Variants in PVT1 observed in about 807,000 individuals in gnomAD.
The protein encoded by PVT1 is CXCR4/PVT1 fusion.
At chr8:127,915,025 A>T (rs1479556990) in intron 3 of PVT1, among the ~76,000 whole-genome samples, 1 of 151,982 alleles carries the variant, frequency 6.6e-6, no homozygotes, top group East Asian at 1.9e-4. Context: ...GGGTTTCACC[A>T]TGTTGGCCAG....
At chr8:127,957,371 A>G (rs1586454946) in intron 3 of PVT1, among the ~76,000 whole-genome samples, 1 of 152,256 alleles carries the variant, frequency 6.6e-6, no homozygotes, top group Non-Finnish European at 1.5e-5. Context: ...GATCAAGACC[A>G]TCCTGGCCAA....
intron 5 of PVT1, among the ~76,000 whole-genome samples, chr8:128,080,471 C>T (rs1357187002): frequency 6.6e-6 from 1 of 152,152 alleles, no homozygotes; most frequent in Non-Finnish European, 1.5e-5. Context: ...TTTGCACTTC[C>T]CTGATGACAT....
chr8:127,906,840 A>G (rs1476112660), intron 3 of PVT1, among the ~76,000 whole-genome samples: 1 of 152,116 alleles, frequency 6.6e-6, no homozygotes, highest in Admixed American at 6.6e-5. Context: ...CAACCCAAAG[A>G]TGTAAATGTC....
chr8:128,004,827 G>T (rs1346581694), intron 4 of PVT1, among the ~76,000 whole-genome samples: 1 of 152,174 alleles, frequency 6.6e-6, no homozygotes, highest in East Asian at 1.9e-4. Flanking sequence ...TCCACATAAA[G>T]TGACATGAAA....
At chr8:128,021,290 C>CTTTTTTTTTGTTTTTTTTTTT (rs1817431400) in intron 4 of PVT1, among the ~76,000 whole-genome samples, 1 of 81,140 alleles carries the variant, frequency 1.2e-5, no homozygotes, top group Non-Finnish European at 2.2e-5. Context: ...AGGACTTGTG[C>CTTTTTTTTTGTTTTTTTTTTT]TTTTTTTTTT....
At position 127,988,042 on chromosome 8, in the gene PVT1, A is replaced by G. The variant is rs375191151; in HGVS notation, n.783-1120A>G. The stretch of plus-strand genomic sequence containing the variant: ...TCTGAGGCTTGCAGAACCACTGCAG[A>G]TCTGTCCGTGATACCAACACATCTA... On this transcript the variant is annotated intron_variant and non_coding_transcript_variant, in intron 3 of 10. Coordinates refer to ENST00000651587, the Ensembl canonical transcript of PVT1. Among the ~76,000 whole-genome samples the G allele has an allele frequency of 1.8e-4, 28 of 152,312 alleles. No individual in the cohort carries two copies. In the East Asian group the frequency reaches 5.0e-3, roughly 27 times the overall value.
intron 2 of PVT1, among the ~76,000 whole-genome samples, chr8:127,805,548 A>G (rs1439209316): frequency 6.6e-6 from 1 of 152,170 alleles, no homozygotes; most frequent in Non-Finnish European, 1.5e-5. Context: ...ATGTATGTAC[A>G]GTGTTATATG....
chr8:127,990,566 G>C (rs994393247), intron 4 of PVT1, among the ~76,000 whole-genome samples: 1 of 152,218 alleles, frequency 6.6e-6, no homozygotes, highest in South Asian at 2.1e-4. Flanking sequence ...TCATGAATTT[G>C]AAAGCTATGC....
intron 2 of PVT1, among the ~76,000 whole-genome samples, chr8:127,841,329 A>T (rs1814971248): frequency 6.6e-6 from 1 of 152,132 alleles, no homozygotes; most frequent in South Asian, 2.1e-4. Context: ...GCTGGAGTGC[A>T]GTAGTGCCAT....
At chr8:127,857,344 G>C (rs557548721) in intron 2 of PVT1, among the ~76,000 whole-genome samples, 2 of 152,190 alleles carry the variant, frequency 1.3e-5, no homozygotes, top group African/African-American at 2.4e-5. Flanking sequence ...TTGGTTATAA[G>C]AAGAGGCAGC....
At chr8:128,037,420 C>A (rs1332496035) in intron 4 of PVT1, among the ~76,000 whole-genome samples, 1 of 152,082 alleles carries the variant, frequency 6.6e-6, no homozygotes, top group Non-Finnish European at 1.5e-5. Context: ...TGTTCTTTTC[C>A]CCACCTGGAA....
chr8:127,837,986 C>A (rs1460009199), intron 2 of PVT1, among the ~76,000 whole-genome samples: 1 of 151,904 alleles, frequency 6.6e-6, no homozygotes, highest in African/African-American at 2.4e-5. Flanking sequence ...CAACCTCCAC[C>A]TCCTGGGTTC....
At chr8:128,033,910 T>G (rs2130075479) in intron 4 of PVT1, among the ~76,000 whole-genome samples, 1 of 152,266 alleles carries the variant, frequency 6.6e-6, no homozygotes. Context: ...CTCTCCACAC[T>G]TTTGCTTGCT....
chr8:128,040,474 A>G (rs893139951), intron 4 of PVT1, among the ~76,000 whole-genome samples: 3 of 152,186 alleles, frequency 2.0e-5, no homozygotes, highest in Non-Finnish European at 2.9e-5. Flanking sequence ...CTCTCTCTTC[A>G]ACATACACAC....
intron 2 of PVT1, among the ~76,000 whole-genome samples, chr8:127,798,008 A>T (rs757553825): frequency 1.3e-5 from 2 of 152,182 alleles, no homozygotes; most frequent in African/African-American, 2.4e-5. Flanking sequence ...AATGAGGTTA[A>T]GAACAAGCAA....
intron 3 of PVT1, among the ~76,000 whole-genome samples, chr8:127,896,445 C>CA (rs1329141890): frequency 1.3e-5 from 2 of 152,074 alleles, no homozygotes; most frequent in Non-Finnish European, 2.9e-5. Context: ...GTGGTTGTGT[C>CA]ATGAAATCTT....
At chr8:127,949,469 T>C (rs79973201) in intron 3 of PVT1, among the ~76,000 whole-genome samples, 1,822 of 149,982 alleles carry the variant, frequency 0.012, 45 homozygotes, top group African/African-American at 0.042. Flanking sequence ...ACCTTCCTTT[T>C]CTTCCCTCCT....
intron 3 of PVT1, among the ~76,000 whole-genome samples, chr8:127,941,862 G>A (rs1816355198): frequency 6.6e-6 from 1 of 152,158 alleles, no homozygotes; most frequent in African/African-American, 2.4e-5. Flanking sequence ...TCAGCTCTGG[G>A]CCATGTGTGT....
intron 4 of PVT1, among the ~76,000 whole-genome samples, chr8:128,021,365 C>T (rs948886120): frequency 2.2e-5 from 3 of 134,256 alleles, no homozygotes; most frequent in Non-Finnish European, 4.6e-5. Context: ...GCAATCTTGG[C>T]TCACTGCAAG....
Sources: gnomAD v4.1 joint callset for allele counts (sites outside exome capture counted in the v4.1 genomes callset) on GRCh38, gnomAD v4.1.1 for gene constraint, MANE v1.5 for transcripts, NCBI Gene and HGNC (gene_info 2026-07-23, HGNC 2026-07-21) for gene names.